The following PDE4D variants were observed in gnomAD, a reference collection of about 807,000 sequenced individuals.
PDE4D encodes 3',5'-cyclic-AMP phosphodiesterase 4D.
In PDE4D, 24 loss-of-function variants were observed where a neutral mutation model predicts 87.4. The ratio of observed to expected loss-of-function variants is 0.27; its 90% CI spans 0.20 to 0.39. PDE4D has a LOEUF of 0.39. Ranked by LOEUF, PDE4D falls within the 10% of genes least tolerant of loss-of-function variation. The probability of loss-of-function intolerance (pLI) is 1.00; values close to 1 mark genes in which losing one functional copy is unlikely to be tolerated. For synonymous variants in PDE4D, 384 were observed against 383.2 expected (o/e 1.00, Z -0.02); for missense variants, 714 against 1,041.0 (o/e 0.69, Z 4.32).
At chr5:59,084,069 T>C (rs984375275) in intron 5 of PDE4D, among the ~76,000 whole-genome samples, 1 of 152,004 alleles carries the variant, frequency 6.6e-6, no homozygotes, top group Non-Finnish European at 1.5e-5. Context: ...TTCTAAAAAA[T>C]AAGATTAAGA....
chr5:60,068,080 A>G (rs1390003965), intron 2 of PDE4D, among the ~76,000 whole-genome samples: 1 of 152,210 alleles, frequency 6.6e-6, no homozygotes, highest in Non-Finnish European at 1.5e-5. Context: ...TTTTGAATAA[A>G]CACCCCAAAG....
chr5:59,946,709 G>C (rs1002937285), intron 3 of PDE4D, among the ~76,000 whole-genome samples: 1 of 152,152 alleles, frequency 6.6e-6, no homozygotes, highest in African/African-American at 2.4e-5. Flanking sequence ...GCCTTCACTT[G>C]CCCTAAGTTA....
chr5:60,105,124 G>A (rs888424679), intron 2 of PDE4D, among the ~76,000 whole-genome samples: 2 of 152,202 alleles, frequency 1.3e-5, no homozygotes, highest in African/African-American at 4.8e-5. Flanking sequence ...AAAAAATTTA[G>A]ACGAACGTAT....
chr5:59,322,316 T>C (rs966473836), intron 1 of PDE4D, among the ~76,000 whole-genome samples: 4 of 152,138 alleles, frequency 2.6e-5, no homozygotes, highest in Non-Finnish European at 5.9e-5. Flanking sequence ...TCTAGAGGAA[T>C]GAACTGATAC....
At position 60,249,031 on chromosome 5, in the gene PDE4D, G is replaced by T. The variant is rs1748128765; in HGVS notation, c.-89-63344C>A. Reference sequence around the variant, plus strand: ...TTCTTGCCAAAGACTGTAACTTGTGGGTAGGCTGGGCCTGAGTGATAGCAG... The same window carrying T: ...TTCTTGCCAAAGACTGTAACTTGTGTGTAGGCTGGGCCTGAGTGATAGCAG... On this transcript the variant is annotated intron_variant, in intron 1 of 16. Coordinates refer to the PDE4D transcript ENST00000502484. 2.6e-5 allele frequency among the ~76,000 whole-genome samples: 4 copies of T among 152,110 alleles called. No individual in the cohort carries two copies. The South Asian group carries it at 8.3e-4, about 32-fold the overall frequency.
intron 1 of PDE4D, among the ~76,000 whole-genome samples, chr5:60,234,859 A>G (rs1285333167): frequency 6.6e-6 from 1 of 151,812 alleles, no homozygotes; most frequent in Non-Finnish European, 1.5e-5. Context: ...ATCCTTTATT[A>G]TTTTATTGAT....
intron 1 of PDE4D, chr5:59,592,127 C>T: frequency 1.0e-6 from 1 of 985,094 alleles, no homozygotes; most frequent in Non-Finnish European, 1.2e-6. Context: ...AATTCTCTAT[C>T]TCACCTTTAC....
chr5:60,467,877 T>C (rs1747484497), intron 1 of PDE4D, among the ~76,000 whole-genome samples: 1 of 152,106 alleles, frequency 6.6e-6, no homozygotes, highest in African/African-American at 2.4e-5. Flanking sequence ...ACTCACTCAT[T>C]ATCACAAGAA....
intron 1 of PDE4D, among the ~76,000 whole-genome samples, chr5:59,722,990 T>C (rs1341197749): frequency 2.0e-5 from 3 of 152,160 alleles, no homozygotes; most frequent in African/African-American, 2.4e-5. Context: ...TATATAGTCA[T>C]GGTTCAGCCT....
intron 5 of PDE4D, among the ~76,000 whole-genome samples, chr5:59,102,702 G>T (rs2153434362): frequency 6.6e-6 from 1 of 152,254 alleles, no homozygotes; most frequent in African/African-American, 2.4e-5. Flanking sequence ...ATCAGCATCA[G>T]CATCACTTGG....
intron 5 of PDE4D, chr5:59,039,342 G>A: frequency 9.6e-7 from 1 of 1,037,682 alleles, no homozygotes; most frequent in Non-Finnish European, 1.2e-6. Context: ...GGATGGCGAG[G>A]GGGTGGCGAG....
intron 1 of PDE4D, among the ~76,000 whole-genome samples, chr5:59,786,662 A>G (rs536021982): frequency 5.9e-5 from 9 of 152,362 alleles, no homozygotes; most frequent in African/African-American, 1.9e-4. Context: ...GAAAAAGTAC[A>G]TGAACATTTC....
intron 1 of PDE4D, among the ~76,000 whole-genome samples, chr5:59,750,441 T>C (rs1760273378): frequency 6.6e-6 from 1 of 152,132 alleles, no homozygotes. Context: ...CCAACCACAT[T>C]TGGCGTACTT....
intron 2 of PDE4D, among the ~76,000 whole-genome samples, chr5:60,150,216 G>A (rs1781387516): frequency 6.6e-6 from 1 of 151,692 alleles, no homozygotes; most frequent in South Asian, 2.1e-4. Context: ...GAATCTTACA[G>A]GGCTGAAGTA....
intron 2 of PDE4D, among the ~76,000 whole-genome samples, chr5:60,120,378 C>T (rs1778569787): frequency 6.6e-6 from 1 of 152,042 alleles, no homozygotes; most frequent in South Asian, 2.1e-4. Context: ...GTGAGGAGGT[C>T]CACTTGGCAG....
At chr5:59,186,417 G>A (rs950661206) in intron 3 of PDE4D, among the ~76,000 whole-genome samples, 1 of 152,140 alleles carries the variant, frequency 6.6e-6, no homozygotes, top group East Asian at 1.9e-4. Flanking sequence ...GCCCATGATG[G>A]CAGCGTTACC....
intron 2 of PDE4D, among the ~76,000 whole-genome samples, chr5:60,000,801 G>C (rs911434843): frequency 1.3e-5 from 2 of 152,158 alleles, no homozygotes; most frequent in Non-Finnish European, 2.9e-5. Flanking sequence ...AGATATAAAG[G>C]AGTAGAGTTT....
chr5:59,089,872 A>G (rs1768373866), intron 5 of PDE4D, among the ~76,000 whole-genome samples: 1 of 152,162 alleles, frequency 6.6e-6, no homozygotes, highest in South Asian at 2.1e-4. Flanking sequence ...TGTTAAAATT[A>G]CTTTTAAGAG....
intron 1 of PDE4D, among the ~76,000 whole-genome samples, chr5:59,272,603 T>C (rs1388486554): frequency 1.3e-5 from 2 of 152,102 alleles, no homozygotes; most frequent in African/African-American, 2.4e-5. Context: ...TAAATAACTG[T>C]TCCTTAAATA....
Sources: allele counts gnomAD v4.1 joint callset (sites outside exome capture counted in the v4.1 genomes callset), GRCh38; gene constraint gnomAD v4.1.1; transcripts MANE v1.5; gene names NCBI Gene and HGNC (gene_info 2026-07-23, HGNC 2026-07-21).